The following ANKMY1 variants were observed in gnomAD, a reference collection of about 807,000 sequenced individuals.
ANKMY1 encodes ankyrin repeat and MYND domain-containing protein 1.
In ANKMY1, 98 loss-of-function variants were observed where a neutral mutation model predicts 102.0. The ratio of observed to expected loss-of-function variants is 0.96; its 90% CI spans 0.82 to 1.14. The LOEUF is 1.14. Among genes scored for constraint, ANKMY1 ranks in the 50% most tolerant of loss-of-function variants. ANKMY1 has a pLI of 0.00. For missense variants in ANKMY1, 1,330 were observed against 1,347.6 expected (o/e 0.99, Z 0.20); for synonymous variants, 582 against 559.9 (o/e 1.04, Z -0.56).
chr2:240,525,541 T>C, intron 7 of ANKMY1, 144 bp downstream of exon 7: 1 of 1,062,410 alleles, frequency 9.4e-7, no homozygotes, highest in Non-Finnish European at 1.3e-6. Flanking sequence ...GCCCAGGCTC[T>C]GTCTCTCTTG....
chr2:240,558,432 AAG>A (rs56321002), upstream of ANKMY1: 12,527 of 152,328 alleles, frequency 0.082, 671 homozygotes, highest in Non-Finnish European at 0.12. Context: ...GGGAGGCCGC[AAG>A]AGTCACCGCA....
rs901888416 is a variant in ANKMY1 at position 240,498,572 on chromosome 2, G to A, written c.2806+1386C>T. Among the ~76,000 whole-genome samples the A allele has an allele frequency of 1.1e-4, 16 of 145,476 alleles. 1 individual carries two copies. Among genetic ancestry groups the A allele is most frequent in the Admixed American group, 8.2e-4 (12 of 14,546 alleles). On this transcript the variant is annotated intron_variant, in intron 15 of 17. Coordinates refer to ENST00000401804, the MANE Select transcript of ANKMY1 (RefSeq NM_001282771.3). ...GGGGTGGAGCTGAGGGTTTCAGGGCGTGTGTCCTGAGGAGTATGCAAGCGT... is the reference window on the plus strand; with the variant it reads ...GGGGTGGAGCTGAGGGTTTCAGGGCATGTGTCCTGAGGAGTATGCAAGCGT...
At chr2:240,486,877 T>G (rs943926839) in intron 15 of ANKMY1, among the ~76,000 whole-genome samples, 1 of 152,126 alleles carries the variant, frequency 6.6e-6, no homozygotes, top group Non-Finnish European at 1.5e-5. Context: ...AACCCTCCAT[T>G]GCATCCTTTT....
chr2:240,545,147 C>T (rs961568653), intron 4 of ANKMY1, among the ~76,000 whole-genome samples: 40 of 152,192 alleles, frequency 2.6e-4, no homozygotes, highest in Admixed American at 1.9e-3. Flanking sequence ...TCTCCCAGCA[C>T]GCAGCTGGAG....
At chr2:240,538,151 C>T (rs749024107) in intron 4 of ANKMY1, among the ~76,000 whole-genome samples, 6 of 152,244 alleles carry the variant, frequency 3.9e-5, no homozygotes, top group Non-Finnish European at 7.3e-5. Context: ...CTCTCGGCGC[C>T]TCCTCTGACT....
At chr2:240,523,623 G>C (rs1025125912) in intron 8 of ANKMY1, 1 of 562,448 alleles carries the variant, frequency 1.8e-6, no homozygotes, top group Non-Finnish European at 3.1e-6. Flanking sequence ...GCCAAAGCAG[G>C]GCTGGCGTGG....
chr2:240,526,277 A>G lies in ANKMY1; in HGVS notation c.1122T>C (p.Ser374=), dbSNP rs1461500939. 4 of 1,614,064 alleles carry G rather than the reference A, an allele frequency of 2.5e-6. No homozygotes were observed. Among genetic ancestry groups the G allele is most frequent in the African/African-American group, 1.3e-5 (1 of 74,946 alleles). The change falls in exon 6 of 18, where the codon AGT becomes AGC. Residue 374 remains serine (S), a synonymous_variant. Coordinates refer to ENST00000401804, the MANE Select transcript of ANKMY1 (RefSeq NM_001282771.3). ...ICRILKDNFA[S]ADVADAKGYT... The stretch of plus-strand genomic sequence containing the variant: ...AGCCCTTTGCGTCCGCCACGTCAGC[A>G]CTAGCAAAGTTGTCCTTCAGGATCC...
chr2:240,519,384 G>A (rs1027263377), intron 9 of ANKMY1, among the ~76,000 whole-genome samples: 2 of 152,200 alleles, frequency 1.3e-5, no homozygotes, highest in Admixed American at 6.5e-5. Context: ...AACAGATAAC[G>A]TCACGTTAAA....
chr2:240,559,270 G>A (rs761619225), upstream of ANKMY1, among the ~76,000 whole-genome samples: 2 of 152,198 alleles, frequency 1.3e-5, no homozygotes, highest in Non-Finnish European at 2.9e-5. Flanking sequence ...AACCGTAAAG[G>A]GTGATGATGA....
At chr2:240,541,588 C>T (rs113297115) in intron 4 of ANKMY1, among the ~76,000 whole-genome samples, 24,583 of 150,564 alleles carry the variant, frequency 0.16, 2,155 homozygotes, top group Middle Eastern at 0.3. Context: ...CTGCAAGCTC[C>T]GCCTCCCAGG....
rs779470756 is a variant in ANKMY1, at chr2:240,504,786, C to T, written c.2526+2774G>A. 4.6e-5 allele frequency among the ~76,000 whole-genome samples: 7 copies of T among 151,722 alleles called. No homozygotes were observed. The East Asian group carries it at 7.8e-4, about 17-fold the overall frequency. On this transcript the variant is annotated intron_variant, in intron 13 of 17. Transcript: ENST00000401804. ...CTTTGGGAGGCCAAGACAGGTGGATCGCTTGAGGCCAGGAGTTCGAGACCA... is the reference window on the plus strand; with the variant it reads ...CTTTGGGAGGCCAAGACAGGTGGATTGCTTGAGGCCAGGAGTTCGAGACCA...
At chr2:240,550,849 T>C (rs2091389668) in intron 4 of ANKMY1, among the ~76,000 whole-genome samples, 1 of 152,214 alleles carries the variant, frequency 6.6e-6, no homozygotes, top group South Asian at 2.1e-4. Flanking sequence ...GTCATCTCTA[T>C]CTTTTGACTA....
chr2:240,520,220 G>T lies in ANKMY1; in HGVS notation c.2004+142C>A. Reference sequence around the variant, plus strand: ...GGGCTGTGGGACCCCCCACTGCGGCGCGCCGTCATCACTCACAGCCCAGGT... The same window carrying T: ...GGGCTGTGGGACCCCCCACTGCGGCTCGCCGTCATCACTCACAGCCCAGGT... On this transcript the variant is annotated intron_variant, in intron 9 of 17. Transcript: ENST00000401804. This position sits in a 1 kb window ranked among gnomAD's most constrained non-coding sequence, Gnocchi z 4.8. 1 of 1,265,100 alleles carries T rather than the reference G, an allele frequency of 7.9e-7. No homozygotes were observed. Among genetic ancestry groups the T allele is most frequent in the Non-Finnish European group, 1.1e-6 (1 of 889,672 alleles). The allele number at this position is 1,265,100 out of a possible 1,614,324, so 78.4% of individuals were successfully genotyped here. A position where few individuals can be genotyped will look rare whatever the true frequency, so the allele number is the denominator to read the frequency against.
chr2:240,474,047 C>T, the ANKMY1 span, among the ~76,000 whole-genome samples: 1 of 152,070 alleles, frequency 6.6e-6, no homozygotes, highest in Non-Finnish European at 1.5e-5. Context: ...TAAAAGGCAT[C>T]CACATCAGAA....
intron 8 of ANKMY1, among the ~76,000 whole-genome samples, chr2:240,521,256 G>T (rs2082188654): frequency 6.6e-6 from 1 of 152,160 alleles, no homozygotes; most frequent in Non-Finnish European, 1.5e-5. Flanking sequence ...GCGGGAACTA[G>T]ATCGTCCTTG....
chr2:240,538,214 T>C (rs2087415594), intron 4 of ANKMY1, among the ~76,000 whole-genome samples: 2 of 152,180 alleles, frequency 1.3e-5, no homozygotes, highest in African/African-American at 4.8e-5. Context: ...TGCTGCGCTG[T>C]GGGGGCCCCT....
chr2:240,519,977 A>G (rs2152312940), intron 9 of ANKMY1: 1 of 428,272 alleles, frequency 2.3e-6, no homozygotes, highest in Non-Finnish European at 4.9e-6. Context: ...TCAGCACCAA[A>G]ACCCTTTGCC....
intron 15 of ANKMY1, among the ~76,000 whole-genome samples, chr2:240,496,399 GATAGATAGATA>G (rs2077271515): frequency 7.3e-6 from 1 of 137,754 alleles, no homozygotes; most frequent in African/African-American, 2.6e-5. Flanking sequence ...TAGATAGATA[GATAGATAGATA>G]GATGTGCTTG....
chr2:240,491,704 G>GT (rs932614446), intron 15 of ANKMY1, among the ~76,000 whole-genome samples: 5 of 151,698 alleles, frequency 3.3e-5, no homozygotes, highest in South Asian at 2.1e-4. Context: ...GGGTGGCAGC[G>GT]TTTTTTTTCT....
Sources: gnomAD v4.1 joint callset for allele counts (sites outside exome capture counted in the v4.1 genomes callset) on GRCh38, gnomAD v4.1.1 for gene constraint, Gnocchi (gnomAD v3.1) non-coding constraint, MANE v1.5 for transcripts, NCBI Gene and HGNC (gene_info 2026-07-23, HGNC 2026-07-21) for gene names.